The following DLG2 variants were observed in gnomAD, a reference collection of about 807,000 sequenced individuals.
DLG2 encodes the protein discs large MAGUK scaffold protein 2.
A neutral mutation model predicts 132.5 loss-of-function variants in DLG2; 45 were observed. That is an observed-to-expected ratio of 0.34 (90% CI 0.27 to 0.44). The LOEUF is 0.44. DLG2 is among the 20% of genes least tolerant of loss of function. The pLI is 1.00. For missense variants in DLG2, 1,045 were observed against 1,196.9 expected (o/e 0.87, Z 1.87); for synonymous variants, 424 against 419.6 (o/e 1.01, Z -0.13).
At chr11:84,459,504 C>T (rs2099074502) in intron 7 of DLG2, among the ~76,000 whole-genome samples, 1 of 150,384 alleles carries the variant, frequency 6.6e-6, no homozygotes, top group African/African-American at 2.4e-5. Flanking sequence ...TTATGGGGTA[C>T]ATAATAGGTT....
intron 19 of DLG2, among the ~76,000 whole-genome samples, chr11:83,588,026 T>A (rs1310414483): frequency 6.6e-6 from 1 of 151,892 alleles, no homozygotes; most frequent in Non-Finnish European, 1.5e-5. Context: ...CAGTCTGAGA[T>A]CAAACTGCAA....
chr11:85,383,642 G>A (rs535624843), intron 3 of DLG2, among the ~76,000 whole-genome samples: 12 of 152,070 alleles, frequency 7.9e-5, no homozygotes, highest in African/African-American at 2.2e-4. Context: ...TCAACTATCC[G>A]GCATAACCTA....
intron 2 of DLG2, chr11:85,625,188 C>T (rs764627925): frequency 6.6e-6 from 1 of 152,136 alleles, no homozygotes; most frequent in Non-Finnish European, 1.5e-5. Context: ...CTCTCTCTCA[C>T]ACACACACGT....
chr11:83,577,444 A>C (rs2096890569), intron 19 of DLG2, among the ~76,000 whole-genome samples: 1 of 142,954 alleles, frequency 7.0e-6, no homozygotes, highest in Non-Finnish European at 1.5e-5. Context: ...AATAGTTTAT[A>C]TAGGAACTAA....
chr11:84,963,780 T>C (rs569816859), intron 6 of DLG2, among the ~76,000 whole-genome samples: 3 of 152,250 alleles, frequency 2.0e-5, no homozygotes, highest in African/African-American at 7.2e-5. Context: ...CAATCTTTCC[T>C]ACATCTGAGT....
At chr11:84,678,257 A>G (rs978656513) in intron 6 of DLG2, among the ~76,000 whole-genome samples, 3 of 152,042 alleles carry the variant, frequency 2.0e-5, no homozygotes, top group African/African-American at 7.2e-5. Context: ...TAAACTAATG[A>G]CACACACTTC....
At chr11:85,237,581 T>C (rs1464477388) in intron 4 of DLG2, among the ~76,000 whole-genome samples, 2 of 152,020 alleles carry the variant, frequency 1.3e-5, no homozygotes, top group Non-Finnish European at 2.9e-5. Context: ...CTGAATGGAC[T>C]TACACTTGTG....
At chr11:85,067,444 C>G (rs908366767) in intron 6 of DLG2, among the ~76,000 whole-genome samples, 2 of 151,784 alleles carry the variant, frequency 1.3e-5, no homozygotes, top group African/African-American at 4.8e-5. Context: ...GTTAGGGCGT[C>G]AATTTTAGAT....
intron 3 of DLG2, among the ~76,000 whole-genome samples, chr11:85,396,148 C>T (rs1037084466): frequency 6.6e-6 from 1 of 152,184 alleles, no homozygotes; most frequent in African/African-American, 2.4e-5. Context: ...AGTGGACCTA[C>T]AGCAAACTCC....
chr11:83,795,416 A>AT (rs1555409458), intron 17 of DLG2, among the ~76,000 whole-genome samples: 6,590 of 136,240 alleles, frequency 0.048, 363 homozygotes, highest in African/African-American at 0.14. Context: ...TAAGAAAAAA[A>AT]ATATCTATAT....
chr11:85,289,422 G>A (rs2152767475), intron 3 of DLG2, among the ~76,000 whole-genome samples: 1 of 152,102 alleles, frequency 6.6e-6, no homozygotes, highest in Middle Eastern at 3.4e-3. Flanking sequence ...TTCAGTGTGT[G>A]TAAAAACAAT....
chr11:83,891,493 A>T (rs1229464747), intron 15 of DLG2, among the ~76,000 whole-genome samples: 1 of 152,230 alleles, frequency 6.6e-6, no homozygotes, highest in Admixed American at 6.5e-5. Flanking sequence ...AAATTAAAAC[A>T]TAGCCACTTT....
rs1445448856 is a variant in DLG2 at position 84,811,408 on chromosome 11, G to A, written c.358-276677C>T. Among the ~76,000 whole-genome samples, 7 of 152,166 alleles carry A rather than the reference G, an allele frequency of 4.6e-5. 1 individual carries two copies. In the East Asian group the frequency reaches 7.7e-4, roughly 17 times the overall value. ...ATAAGGACCTCAAGTGAGTTTAGGT[G>A]CATTCTGCCTTCATTATAGTAACAT... is the stretch of plus-strand genomic sequence containing the variant. On this transcript the variant is annotated intron_variant, in intron 6 of 27. Coordinates refer to ENST00000376104, the MANE Select transcript of DLG2 (RefSeq NM_001142699.3).
rs376472621 is a variant in DLG2 at position 84,174,736 on chromosome 11, A to T, written c.574-11225T>A. Among the ~76,000 whole-genome samples the T allele has an allele frequency of 2.3e-3, 355 of 152,286 alleles. 1 individual carries two copies. Among genetic ancestry groups the T allele is most frequent in the African/African-American group, 8.3e-3 (344 of 41,572 alleles). ...TTACCAACTAAAGACTGTCTTGTCC[A>T]TCGAATCAAAAATATTTTTCTTATC... On this transcript the variant is annotated intron_variant, in intron 8 of 27. Transcript: ENST00000376104.
chr11:85,299,040 G>A (rs2079422630), intron 3 of DLG2, among the ~76,000 whole-genome samples: 1 of 152,120 alleles, frequency 6.6e-6, no homozygotes, highest in Non-Finnish European at 1.5e-5. Flanking sequence ...TTGTCTAGAT[G>A]CAAACCCCTC....
intron 17 of DLG2, among the ~76,000 whole-genome samples, chr11:83,830,901 T>C (rs1456191587): frequency 6.6e-6 from 1 of 152,334 alleles, no homozygotes; most frequent in Non-Finnish European, 1.5e-5. Flanking sequence ...TTAATGACGA[T>C]ATGAATGCTG....
chr11:84,697,071 G>C (rs2058694001), intron 6 of DLG2, among the ~76,000 whole-genome samples: 1 of 151,288 alleles, frequency 6.6e-6, no homozygotes, highest in South Asian at 2.1e-4. Context: ...CTTGGGCAAC[G>C]GGAGAGATAA....
chr11:85,414,334 T>A (rs2089620789), intron 3 of DLG2, among the ~76,000 whole-genome samples: 2 of 152,008 alleles, frequency 1.3e-5, no homozygotes, highest in Non-Finnish European at 2.9e-5. Context: ...AACAATCACA[T>A]CATCAGCAAA....
intron 7 of DLG2, among the ~76,000 whole-genome samples, chr11:84,457,043 CA>C (rs746419407): frequency 6.6e-6 from 1 of 151,144 alleles, no homozygotes; most frequent in Non-Finnish European, 1.5e-5. Context: ...ACTTACTTTG[CA>C]AAACAACAGG....
Sources: allele counts gnomAD v4.1 joint callset (sites outside exome capture counted in the v4.1 genomes callset), GRCh38; gene constraint gnomAD v4.1.1; transcripts MANE v1.5; gene names NCBI Gene and HGNC (gene_info 2026-07-23, HGNC 2026-07-21).